The following CNBD1 variants were observed in gnomAD, a reference collection of about 807,000 sequenced individuals.
CNBD1 encodes cyclic nucleotide binding domain containing 1.
In CNBD1, 71 loss-of-function variants were observed where a neutral mutation model predicts 54.4. The ratio of observed to expected loss-of-function variants is 1.30; its 90% CI spans 1.08 to 1.59. CNBD1 has a LOEUF of 1.59. Among genes scored for constraint, CNBD1 ranks in the 40% most tolerant of loss-of-function variants. CNBD1 has a pLI of 0.00. For missense variants in CNBD1, 659 were observed against 518.0 expected (o/e 1.27, Z -2.64); for synonymous variants, 182 against 170.7 (o/e 1.07, Z -0.51).
At chr8:87,411,658 A>T (rs914745228) in intron 2 of CNBD1, among the ~76,000 whole-genome samples, 2 of 144,180 alleles carry the variant, frequency 1.4e-5, no homozygotes, top group Non-Finnish European at 3.0e-5. Flanking sequence ...GCTTTTTTAG[A>T]TTTTTTTTTT....
intron 4 of CNBD1, among the ~76,000 whole-genome samples, chr8:87,123,988 A>G (rs1811944216): frequency 6.6e-6 from 1 of 151,728 alleles, no homozygotes; most frequent in African/African-American, 2.4e-5. Flanking sequence ...CAGTAATAAG[A>G]ATTCTTCAAT....
intron 4 of CNBD1, among the ~76,000 whole-genome samples, chr8:86,955,998 A>G (rs918058988): frequency 1.3e-5 from 2 of 152,090 alleles, no homozygotes; most frequent in African/African-American, 4.8e-5. Context: ...ATCTTGAATT[A>G]ATTTTTGTAT....
intron 6 of CNBD1, among the ~76,000 whole-genome samples, chr8:87,272,040 T>C (rs1319076338): frequency 6.6e-6 from 1 of 151,642 alleles, no homozygotes; most frequent in Non-Finnish European, 1.5e-5. Flanking sequence ...GCTGAAAGAG[T>C]GAATCTCATA....
At chr8:87,414,762 A>C (rs1294413809) in intron 2 of CNBD1, among the ~76,000 whole-genome samples, 1 of 143,658 alleles carries the variant, frequency 7.0e-6, no homozygotes, top group Admixed American at 6.9e-5. Context: ...CTTGAAAACT[A>C]AAGTAAAAAA....
chr8:86,905,896 C>A (rs1809009819), intron 3 of CNBD1, among the ~76,000 whole-genome samples: 1 of 152,130 alleles, frequency 6.6e-6, no homozygotes, highest in African/African-American at 2.4e-5. Flanking sequence ...CCTTAAGTAT[C>A]TTATAGTGGA....
intron 4 of CNBD1, among the ~76,000 whole-genome samples, chr8:87,079,703 G>A (rs977712933): frequency 1.3e-5 from 2 of 151,950 alleles, no homozygotes; most frequent in African/African-American, 4.8e-5. Context: ...GAGTTAGAAG[G>A]ACTTCTTATT....
intron 2 of CNBD1, among the ~76,000 whole-genome samples, chr8:87,424,667 G>C (rs185564512): frequency 5.1e-4 from 78 of 152,276 alleles, no homozygotes; most frequent in Non-Finnish European, 8.2e-4. Flanking sequence ...CTTCTGGCTT[G>C]TACGGTTTCT....
chr8:87,225,083 A>G (rs1159527406), intron 5 of CNBD1, among the ~76,000 whole-genome samples: 1 of 151,390 alleles, frequency 6.6e-6, no homozygotes, highest in Non-Finnish European at 1.5e-5. Context: ...TGATTTTTGC[A>G]CATTGATTTT....
At chr8:87,374,012 T>C (rs1810873215) in intron 10 of CNBD1, among the ~76,000 whole-genome samples, 1 of 151,796 alleles carries the variant, frequency 6.6e-6, no homozygotes, top group South Asian at 2.1e-4. Context: ...TAATTACAAC[T>C]AGGCTTTTAT....
At chr8:87,159,242 A>G (rs1441396191) in intron 4 of CNBD1, among the ~76,000 whole-genome samples, 1 of 152,142 alleles carries the variant, frequency 6.6e-6, no homozygotes, top group Admixed American at 6.6e-5. Context: ...TTCAGGCTAT[A>G]TAAACACCAG....
At chr8:87,213,081 A>G (rs1814135398) in intron 5 of CNBD1, among the ~76,000 whole-genome samples, 1 of 152,218 alleles carries the variant, frequency 6.6e-6, no homozygotes, top group Non-Finnish European at 1.5e-5. Flanking sequence ...ATATAAAAAT[A>G]GCCAATAAGC....
At chr8:87,027,710 T>C (rs1385917513) in intron 4 of CNBD1, among the ~76,000 whole-genome samples, 1 of 152,198 alleles carries the variant, frequency 6.6e-6, no homozygotes, top group Non-Finnish European at 1.5e-5. Flanking sequence ...AAAGCCTAAA[T>C]ACACGGGACT....
intron 2 of CNBD1, among the ~76,000 whole-genome samples, chr8:87,405,850 A>G (rs935994007): frequency 1.3e-5 from 2 of 152,184 alleles, no homozygotes; most frequent in Non-Finnish European, 2.9e-5. Flanking sequence ...TGTGAGCCAC[A>G]TAAGAAATAT....
chr8:87,286,507 A>T (rs1024093874), intron 7 of CNBD1, 32 bp from the exon 8 acceptor site: 10 of 1,248,762 alleles, frequency 8.0e-6, no homozygotes, highest in South Asian at 1.3e-5. Flanking sequence ...ATTGCCTGTT[A>T]TTAAAAATTT....
intron 4 of CNBD1, among the ~76,000 whole-genome samples, chr8:87,025,917 T>C (rs966443016): frequency 6.6e-6 from 1 of 152,158 alleles, no homozygotes; most frequent in Non-Finnish European, 1.5e-5. Flanking sequence ...TTGATGAGGA[T>C]GGAGGAAAGG....
intron 6 of CNBD1, among the ~76,000 whole-genome samples, chr8:87,239,216 T>C (rs1438762077): frequency 6.6e-6 from 1 of 152,132 alleles, no homozygotes. Flanking sequence ...GTTTTTGTTG[T>C]TGTTTAAGTT....
intron 4 of CNBD1, among the ~76,000 whole-genome samples, chr8:87,160,579 T>G (rs1812835590): frequency 6.6e-6 from 1 of 152,146 alleles, no homozygotes; most frequent in East Asian, 1.9e-4. Context: ...TGTTTTAAAA[T>G]TATTAATAAT....
intron 8 of CNBD1, among the ~76,000 whole-genome samples, chr8:87,294,310 A>T (rs1277643213): frequency 6.6e-6 from 1 of 152,180 alleles, no homozygotes; most frequent in Non-Finnish European, 1.5e-5. Context: ...CAATGCTGAC[A>T]GTCTATACAT....
intron 2 of CNBD1, among the ~76,000 whole-genome samples, chr8:87,424,363 A>T (rs1270457244): frequency 1.3e-5 from 2 of 151,698 alleles, no homozygotes; most frequent in Non-Finnish European, 2.9e-5. Flanking sequence ...TTTAATTGTG[A>T]TGTTAGGGTG....
Sources: gnomAD v4.1 joint callset for allele counts (sites outside exome capture counted in the v4.1 genomes callset) on GRCh38, gnomAD v4.1.1 for gene constraint, MANE v1.5 for transcripts, NCBI Gene and HGNC (gene_info 2026-07-23, HGNC 2026-07-21) for gene names.